RPL31: variants seen among roughly 807,000 people sequenced by gnomAD.
RPL31 encodes the protein large ribosomal subunit protein eL31.
For missense variants in RPL31, 95 were observed against 164.0 expected, an observed-to-expected ratio of 0.58 and a Z score of 2.30; for synonymous variants, 51 against 55.0, an observed-to-expected ratio of 0.93 and a Z score of 0.32.
intron 4 of RPL31, among the ~76,000 whole-genome samples, chr2:101,015,722 G>A (rs1019718438): frequency 6.6e-6 from 1 of 152,170 alleles, no homozygotes; most frequent in African/African-American, 2.4e-5. Context: ...TACCAAAACA[G>A]AGATATAGAT....
At chr2:101,006,154 TA>T (rs1449956652) in intron 4 of RPL31, 83 bp downstream of exon 4, 14 of 1,555,882 alleles carry the variant, frequency 9.0e-6, no homozygotes, top group Non-Finnish European at 1.2e-5. Context: ...TCTGTTAAGC[TA>T]GGGGTGACAC....
chr2:101,011,611 T>C, downstream of RPL31: 1 of 1,530,666 alleles, frequency 6.5e-7, no homozygotes, highest in Non-Finnish European at 9.0e-7. Flanking sequence ...AATGTAGCTT[T>C]CTAGGCAACT....
chr2:101,010,072 C>T (rs574903250), downstream of RPL31, among the ~76,000 whole-genome samples: 106 of 152,044 alleles, frequency 7.0e-4, 1 homozygote, highest in Middle Eastern at 6.8e-3. Context: ...GTAATCCACC[C>T]GCCTCGGCCT....
intron 4 of RPL31, among the ~76,000 whole-genome samples, chr2:101,012,859 A>T (rs1679332749): frequency 6.6e-6 from 1 of 152,242 alleles, no homozygotes; most frequent in Non-Finnish European, 1.5e-5. Flanking sequence ...AAGCTTTGGA[A>T]AGCTACCCTT....
At chr2:101,008,027 A>T (rs1057580), downstream of RPL31, 32 of 1,613,972 alleles carry the variant, frequency 2.0e-5, no homozygotes, top group Non-Finnish European at 2.6e-5. Context: ...GCCTCTGGAA[A>T]TGCCTGGGAG....
chr2:101,011,846 C>A (rs555867974), downstream of RPL31, among the ~76,000 whole-genome samples: 1 of 152,150 alleles, frequency 6.6e-6, no homozygotes, highest in Non-Finnish European at 1.5e-5. Flanking sequence ...GTAGTGAAAT[C>A]CCATTTTGTA....
At chr2:101,008,146 C>T (rs201893005), downstream of RPL31, 187 of 1,613,802 alleles carry the variant, frequency 1.2e-4, no homozygotes, top group Non-Finnish European at 1.4e-4. Flanking sequence ...GCTGCTGCCT[C>T]GCTGCCCCAC....
At position 101,005,621 on chromosome 2, in the gene RPL31, A is replaced by G. The variant is rs1573836189; in HGVS notation, c.234-338A>G. 3 of 262,232 alleles carry G rather than the reference A, an allele frequency of 1.1e-5. No homozygotes were observed. In the East Asian group the frequency reaches 3.3e-4, roughly 29 times the overall value. 16.2% of individuals were successfully genotyped at this position (262,232 alleles called of 1,614,324 possible). A position where few individuals can be genotyped will look rare whatever the true frequency, so the allele number is the denominator to read the frequency against. ...CACCATGCCGTTTCTTCATATTTTA[A>G]TGTAACAGAAAAATCACGTAACAAA... On this transcript the variant is annotated intron_variant, in intron 3 of 4. Transcript: ENST00000264258.
downstream of RPL31, among the ~76,000 whole-genome samples, chr2:101,008,678 GACCCA>G (rs1678937524): frequency 6.6e-6 from 1 of 152,148 alleles, no homozygotes; most frequent in East Asian, 1.9e-4. Context: ...CAGGCATGGT[GACCCA>G]TGCCTGCAAT....
downstream of RPL31, chr2:101,007,720 G>A: frequency 2.4e-6 from 3 of 1,249,906 alleles, no homozygotes; most frequent in East Asian, 7.0e-5. Flanking sequence ...TGCCCCATTG[G>A]TAAGGTAGAC....
Position 101,006,365 on chromosome 2 carries a change from A to G in RPL31, c.362A>G (p.Asn121Ser), listed in dbSNP as rs753013734. ...TCCTTTACAGATCTACAGACAGTCA[A>G]TGTGGATGAGAACTAATCGCTGATC... ...VTTFKNLQTV[N>S]VDEN The change falls in exon 5 of 5, where the codon AAT (asparagine) becomes AGT (serine). Residue 121 changes from asparagine to serine, a missense_variant. Physicochemically the swap from Asn to Ser is conservative, Grantham distance 46. Coordinates refer to ENST00000264258, the MANE Select transcript of RPL31 (RefSeq NM_000993.5). The G allele has an allele frequency of 4.3e-6, 7 of 1,610,936 alleles. No individual in the cohort carries two copies. In the Admixed American group the frequency reaches 6.8e-5, roughly 16 times the overall value.
chr2:101,006,492 A>G lies in RPL31; in HGVS notation c.*111A>G, dbSNP rs957610833. On this transcript the variant is annotated 3_prime_UTR_variant, in exon 5 of 5. Coordinates refer to ENST00000264258, the MANE Select transcript of RPL31 (RefSeq NM_000993.5). The stretch of plus-strand genomic sequence containing the variant: ...CTATCCTAATTATGGGATCATTTGA[A>G]GAGCTTTTCCCAAATTGATGGCCTG... 2.7e-6 allele frequency: 3 copies of G among 1,101,574 alleles called. No homozygotes were observed. Among genetic ancestry groups the G allele is most frequent in the Admixed American group, 6.0e-5 (2 of 33,350 alleles). 68.2% of individuals were successfully genotyped at this position (1,101,574 alleles called of 1,614,324 possible).
At chr2:101,003,226 C>CTT (rs529726856) in intron 2 of RPL31, among the ~76,000 whole-genome samples, 2 of 152,296 alleles carry the variant, frequency 1.3e-5, no homozygotes, top group Non-Finnish European at 2.9e-5. Flanking sequence ...AATTTTTACC[C>CTT]TTTTTTTCCC....
intron 4 of RPL31, 107 bp downstream of exon 4, chr2:101,006,178 CCT>C: frequency 6.6e-7 from 1 of 1,517,942 alleles, no homozygotes; most frequent in Non-Finnish European, 8.8e-7. Context: ...GTCATTGTAC[CCT>C]TTTTAAATTG....
At chr2:101,018,402 A>G (rs935701956) in intron 4 of RPL31, 2 of 157,118 alleles carry the variant, frequency 1.3e-5, no homozygotes, top group Non-Finnish European at 2.8e-5. Context: ...CCAACTGCAA[A>G]TTGGAATTAT....
chr2:101,003,217 A>C (rs1024113972), intron 2 of RPL31, among the ~76,000 whole-genome samples: 1 of 152,126 alleles, frequency 6.6e-6, no homozygotes, highest in Non-Finnish European at 1.5e-5. Context: ...ACTTTGTTGA[A>C]TTTTTACCCT....
chr2:101,004,598 A>C, intron 3 of RPL31: 1 of 348,356 alleles, frequency 2.9e-6, no homozygotes, highest in Non-Finnish European at 5.1e-6. Context: ...CTGTGAGCCC[A>C]GTGGAGGAGG....
At chr2:101,004,757 G>T in intron 3 of RPL31, 1 of 162,788 alleles carries the variant, frequency 6.1e-6, no homozygotes. Context: ...CTGTGGGCCA[G>T]GGACTACTAA....
At chr2:101,014,463 C>T (rs1679465374) in intron 4 of RPL31, among the ~76,000 whole-genome samples, 1 of 152,190 alleles carries the variant, frequency 6.6e-6, no homozygotes, top group South Asian at 2.1e-4. Context: ...AGATGCTGAC[C>T]TTTGCAAATT....
Sources: gnomAD v4.1 joint callset for allele counts (sites outside exome capture counted in the v4.1 genomes callset) on GRCh38, gnomAD v4.1.1 for gene constraint, MANE v1.5 for transcripts, NCBI Gene and HGNC (gene_info 2026-07-23, HGNC 2026-07-21) for gene names.